MARCHF3: variants seen among roughly 807,000 people sequenced by gnomAD.
MARCHF3 encodes E3 ubiquitin-protein ligase MARCHF3.
Under a neutral mutation model 24.2 loss-of-function variants are expected in MARCHF3, and 13 were observed. The ratio of observed to expected loss-of-function variants is 0.54; its 90% CI spans 0.35 to 0.85. The LOEUF (loss-of-function observed/expected upper bound fraction) is 0.85, where lower values mean the gene tolerates loss of function less well. MARCHF3 is among the 40% of genes least tolerant of loss of function. MARCHF3 has a pLI of 0.01. For missense variants in MARCHF3, 276 were observed against 325.0 expected, an observed-to-expected ratio of 0.85 and a Z score of 1.16; for synonymous variants, 144 against 137.3, an observed-to-expected ratio of 1.05 and a Z score of -0.34.
At chr5:126,881,434 T>A (rs567164542) in intron 3 of MARCHF3, among the ~76,000 whole-genome samples, 1 of 152,196 alleles carries the variant, frequency 6.6e-6, no homozygotes, top group Non-Finnish European at 1.5e-5. Flanking sequence ...AGTATCCAGA[T>A]ATATCCATAT....
chr5:126,919,646 T>G (rs1749032589), intron 1 of MARCHF3, among the ~76,000 whole-genome samples: 1 of 152,214 alleles, frequency 6.6e-6, no homozygotes, highest in South Asian at 2.1e-4. Context: ...CAGGCAAGAA[T>G]GCAGTGTTTC....
At chr5:126,876,152 C>G (rs562273015) in intron 4 of MARCHF3, among the ~76,000 whole-genome samples, 1 of 152,130 alleles carries the variant, frequency 6.6e-6, no homozygotes, top group Admixed American at 6.5e-5. Flanking sequence ...TTGAGATAAC[C>G]TTTCTTTTCT....
intron 1 of MARCHF3, among the ~76,000 whole-genome samples, chr5:126,948,476 C>G (rs149475178): frequency 3.0e-4 from 46 of 152,256 alleles, no homozygotes; most frequent in African/African-American, 1.0e-3. Flanking sequence ...CACAAAGGTA[C>G]AGGGAAAACT....
intron 1 of MARCHF3, 68 bp downstream of exon 1, chr5:127,030,282 T>TC (rs1753139918): frequency 6.6e-6 from 1 of 152,206 alleles, no homozygotes; most frequent in Non-Finnish European, 1.5e-5. Flanking sequence ...CCAGGACGCG[T>TC]CCCGTCCCCT....
At chr5:126,911,119 A>C (rs1754512394) in intron 3 of MARCHF3, among the ~76,000 whole-genome samples, 1 of 152,204 alleles carries the variant, frequency 6.6e-6, no homozygotes, top group Admixed American at 6.5e-5. Context: ...CTGTCTCCTG[A>C]TAAGATGTTA....
Position 126,909,789 on chromosome 5 carries a change from G to C in MARCHF3, c.393+5141C>G, listed in dbSNP as rs558730094. Among the ~76,000 whole-genome samples the C allele has an allele frequency of 2.0e-5, 3 of 152,244 alleles. No individual in the cohort carries two copies. In the South Asian group the frequency reaches 6.2e-4, roughly 32 times the overall value. On this transcript the variant is annotated intron_variant, in intron 3 of 4. Transcript: ENST00000308660. Reference sequence around the variant, plus strand: ...CCCGTCTTCTGCGTTGCTCACGCTGGGAGCTGTAGACCGGAGCTGTTCCTA... The same window carrying C: ...CCCGTCTTCTGCGTTGCTCACGCTGCGAGCTGTAGACCGGAGCTGTTCCTA...
intron 1 of MARCHF3, among the ~76,000 whole-genome samples, chr5:126,973,466 G>A (rs1219743094): frequency 1.3e-5 from 2 of 152,248 alleles, no homozygotes; most frequent in African/African-American, 4.8e-5. Context: ...ACCTGTAGGG[G>A]AGGCGCCTGC....
At chr5:126,968,616 C>A (rs182608665) in intron 1 of MARCHF3, among the ~76,000 whole-genome samples, 69 of 152,272 alleles carry the variant, frequency 4.5e-4, no homozygotes, top group Non-Finnish European at 2.4e-4. Flanking sequence ...CGCTCTGTTG[C>A]CCATGCTGGA....
chr5:126,897,967 C>T (rs1725117376), intron 3 of MARCHF3, among the ~76,000 whole-genome samples: 1 of 151,908 alleles, frequency 6.6e-6, no homozygotes, highest in Admixed American at 6.6e-5. Flanking sequence ...TGTAGGATTC[C>T]ATTCATAGGA....
intron 1 of MARCHF3, among the ~76,000 whole-genome samples, chr5:126,957,800 T>C (rs973178122): frequency 6.6e-6 from 1 of 152,162 alleles, no homozygotes; most frequent in Non-Finnish European, 1.5e-5. Context: ...TCCTTCCTGA[T>C]ATTTTTAAAA....
chr5:127,011,235 G>C (rs1007668968), intron 1 of MARCHF3, among the ~76,000 whole-genome samples: 1 of 152,124 alleles, frequency 6.6e-6, no homozygotes, highest in Non-Finnish European at 1.5e-5. Context: ...TATCCACTCG[G>C]TACACTGAAT....
chr5:126,901,912 A>G (rs1754118284), intron 3 of MARCHF3, among the ~76,000 whole-genome samples: 1 of 152,050 alleles, frequency 6.6e-6, no homozygotes, highest in Non-Finnish European at 1.5e-5. Context: ...TCCCCCTTAC[A>G]AAGCTTTTCT....
At chr5:126,951,905 G>A (rs1382714458) in intron 1 of MARCHF3, among the ~76,000 whole-genome samples, 1 of 152,068 alleles carries the variant, frequency 6.6e-6, no homozygotes, top group African/African-American at 2.4e-5. Flanking sequence ...GGAGTGCAAT[G>A]GCACTATCTC....
chr5:126,894,897 C>T (rs1050495158), intron 3 of MARCHF3, among the ~76,000 whole-genome samples: 4 of 151,924 alleles, frequency 2.6e-5, no homozygotes, highest in Non-Finnish European at 5.9e-5. Flanking sequence ...TAATATCCTG[C>T]AGAGTGTTTT....
intron 1 of MARCHF3, among the ~76,000 whole-genome samples, chr5:126,994,502 C>T (rs913904737): frequency 1.8e-4 from 27 of 152,130 alleles, no homozygotes; most frequent in African/African-American, 4.3e-4. Flanking sequence ...ATGAATTTTA[C>T]GGCATGTCAG....
chr5:126,981,160 C>A (rs1320946593), intron 1 of MARCHF3, among the ~76,000 whole-genome samples: 1 of 152,192 alleles, frequency 6.6e-6, no homozygotes, highest in Non-Finnish European at 1.5e-5. Flanking sequence ...TTCTGATGGG[C>A]AGCAAGTTGG....
At chr5:127,015,778 T>C (rs1167535290) in intron 1 of MARCHF3, among the ~76,000 whole-genome samples, 1 of 152,218 alleles carries the variant, frequency 6.6e-6, no homozygotes, top group Non-Finnish European at 1.5e-5. Flanking sequence ...ACAGTTACCC[T>C]TGGTCAACCA....
rs145348178 is a variant in MARCHF3 at position 126,911,514 on chromosome 5, C to G, written c.393+3416G>C. Among the ~76,000 whole-genome samples, 3 of 152,284 alleles carry G rather than the reference C, an allele frequency of 2.0e-5. No homozygotes were observed. The East Asian group carries it at 5.8e-4, about 29-fold the overall frequency. On this transcript the variant is annotated intron_variant, in intron 3 of 4. Coordinates refer to ENST00000308660, the MANE Select transcript of MARCHF3 (RefSeq NM_178450.5). ...GATAATCTACATTTTGAATGCTTTT[C>G]TTTCAAGCTTTGTGTGATTGGACAT... is the stretch of plus-strand genomic sequence containing the variant.
intron 3 of MARCHF3, among the ~76,000 whole-genome samples, chr5:126,914,240 C>T (rs989410263): frequency 1.2e-4 from 19 of 152,070 alleles, no homozygotes; most frequent in Middle Eastern, 6.8e-3. Flanking sequence ...ACCTCGGCCT[C>T]CCAAAGTGCT....
Sources: allele counts gnomAD v4.1 joint callset (sites outside exome capture counted in the v4.1 genomes callset), GRCh38; gene constraint gnomAD v4.1.1; transcripts MANE v1.5; gene names NCBI Gene and HGNC (gene_info 2026-07-23, HGNC 2026-07-21).